PACC1: variants seen among roughly 807,000 people sequenced by gnomAD.
PACC1 encodes proton-activated chloride channel.
In PACC1, 34 loss-of-function variants were observed where a neutral mutation model predicts 39.7. That is an observed-to-expected ratio of 0.86 (90% CI 0.65 to 1.14). The LOEUF is 1.14. Ranked by LOEUF, PACC1 falls within the 50% of genes most tolerant of loss-of-function variation. PACC1 has a pLI of 0.00. For missense variants in PACC1, 379 were observed against 436.4 expected (o/e 0.87, Z 1.17); for synonymous variants, 127 against 160.6 (o/e 0.79, Z 1.58).
chr1:212,386,996 C>G lies in PACC1; in HGVS notation c.238G>C (p.Val80Leu), dbSNP rs201821544. ...GTCCGGTAGACCAGGAAGACGGCCA[C>G]AGCCATGAGCAGCAGGTAGATGAAG... ...LIFIYLLLMA[V>L]AVFLVYRTIT... Residue 80 changes from valine to leucine, a missense_variant, in exon 3 of 8, where the codon GTG becomes CTG. By Grantham distance (32) the Val-to-Leu change is conservative (BLOSUM62 1). Coordinates refer to ENST00000261455, the MANE Select transcript of PACC1 (RefSeq NM_018252.3). The surrounding 1 kb of genome is among the most constrained non-coding windows in gnomAD (Gnocchi z 5.0). The G allele has an allele frequency of 5.6e-6, 9 of 1,614,220 alleles. No homozygotes were observed. The Admixed American group carries it at 1.5e-4, about 27-fold the overall frequency.
intron 1 of PACC1, among the ~76,000 whole-genome samples, chr1:212,411,261 G>C (rs1175766902): frequency 6.6e-6 from 1 of 152,180 alleles, no homozygotes; most frequent in African/African-American, 2.4e-5. Flanking sequence ...ACTTCCCAAA[G>C]GAAGAGGAAA....
At chr1:212,396,964 A>G (rs1288423627) in intron 2 of PACC1, among the ~76,000 whole-genome samples, 3 of 152,164 alleles carry the variant, frequency 2.0e-5, no homozygotes, top group African/African-American at 7.2e-5. Context: ...TTTGTCTACC[A>G]GTATAATTCT....
chr1:212,372,522 T>G (rs537629029), intron 7 of PACC1, among the ~76,000 whole-genome samples: 8 of 152,222 alleles, frequency 5.3e-5, no homozygotes, highest in African/African-American at 1.7e-4. Context: ...GAGAAAGAAA[T>G]AAAGGGCATC....
Position 212,387,016 on chromosome 1 carries a change from A to G in PACC1, c.218T>C (p.Ile73Thr). 2 of 1,614,246 alleles carry G rather than the reference A, an allele frequency of 1.2e-6. No homozygotes were observed. Among genetic ancestry groups the G allele is most frequent in the Non-Finnish European group, 1.7e-6 (2 of 1,180,044 alleles). The part of the protein sequence containing the change: ...KNVFSVLLIF[I>T]YLLLMAVAVF... ...GGCCACAGCCATGAGCAGCAGGTAG[A>G]TGAAGATGAGTAGGACCGAGAAGAC... The change falls in exon 3 of 8, where the codon ATC (isoleucine) becomes ACC (threonine). Residue 73 changes from isoleucine (I) to threonine (T), a missense_variant. By Grantham distance (89) the Ile-to-Thr change is moderately conservative. Coordinates refer to ENST00000261455, the MANE Select transcript of PACC1 (RefSeq NM_018252.3).
chr1:212,404,799 T>G (rs1348037339), intron 2 of PACC1, among the ~76,000 whole-genome samples: 1 of 151,908 alleles, frequency 6.6e-6, no homozygotes, highest in Non-Finnish European at 1.5e-5. Context: ...GATGGAATCT[T>G]GCTCTATCAC....
intron 2 of PACC1, among the ~76,000 whole-genome samples, chr1:212,398,425 G>GT (rs1285081158): frequency 2.0e-5 from 3 of 152,176 alleles, no homozygotes; most frequent in Non-Finnish European, 4.4e-5. Flanking sequence ...GTTCCTTGCT[G>GT]TTTTTTGGCA....
At chr1:212,379,395 T>C (rs1660792745) in intron 5 of PACC1, among the ~76,000 whole-genome samples, 1 of 152,254 alleles carries the variant, frequency 6.6e-6, no homozygotes, top group Non-Finnish European at 1.5e-5. Context: ...TCAAAAGTTA[T>C]ACACAAATTT....
chr1:212,398,142 C>A (rs1050215686), intron 2 of PACC1, among the ~76,000 whole-genome samples: 2 of 152,040 alleles, frequency 1.3e-5, no homozygotes, highest in Admixed American at 6.5e-5. Flanking sequence ...CTCTACCCTT[C>A]AAAAAATGAA....
rs1571652129 is a variant in PACC1, at chr1:212,386,428, G to T, written c.343+463C>A. ...GTCCCTCTCCAGGCAGGGTTGAATG[G>T]CCTCGCCTCCCCTGCCATCCTCCCC... On this transcript the variant is annotated intron_variant, in intron 3 of 7. Coordinates refer to ENST00000261455, the MANE Select transcript of PACC1 (RefSeq NM_018252.3). This position sits in a 1 kb window ranked among gnomAD's most constrained non-coding sequence, Gnocchi z 5.0. Among the ~76,000 whole-genome samples, 4 of 152,130 alleles carry T rather than the reference G, an allele frequency of 2.6e-5. No individual in the cohort carries two copies. The highest frequency in any genetic ancestry group is 2.6e-4 in the Admixed American group (4 of 15,286).
chr1:212,413,217 A>G (rs1662199297), intron 1 of PACC1, among the ~76,000 whole-genome samples: 1 of 152,200 alleles, frequency 6.6e-6, no homozygotes, highest in African/African-American at 2.4e-5. Context: ...GGGAGGAGAA[A>G]TATAGAAATC....
At chr1:212,390,914 A>T (rs1235850018) in intron 2 of PACC1, among the ~76,000 whole-genome samples, 1 of 152,174 alleles carries the variant, frequency 6.6e-6, no homozygotes, top group Non-Finnish European at 1.5e-5. Flanking sequence ...GCCATGGCTG[A>T]GGCTTGAGTA....
chr1:212,365,174 C>G lies in PACC1; in HGVS notation c.*41G>C. 1.3e-6 allele frequency: 2 copies of G among 1,587,646 alleles called. No homozygotes were observed. The highest frequency in any genetic ancestry group is 1.4e-5 in the African/African-American group (1 of 73,790). On this transcript the variant is annotated 3_prime_UTR_variant, in exon 8 of 8. Transcript: ENST00000261455. ...TTACAAAGTGGAAGTGATGACAGCT[C>G]CCATTGATGTGGACAGTTCTCTAAA... is the stretch of plus-strand genomic sequence containing the variant.
At chr1:212,380,416 G>A (rs1295636120) in intron 4 of PACC1, among the ~76,000 whole-genome samples, 4 of 152,072 alleles carry the variant, frequency 2.6e-5, no homozygotes, top group African/African-American at 9.7e-5. Flanking sequence ...TAAATTTAAC[G>A]TAGTAAAACC....
rs1425630342 is a variant in PACC1 at position 212,365,240 on chromosome 1, CCTCTT to C, written c.1023_1027del (p.Arg342SerfsTer15). Reference sequence around the variant, plus strand: ...TCAGCTTATGTGGCTCGTTGCCTGACCTCTTCTTTTAAGGTATCTCTTTCTAATTT... The same window carrying C: ...TCAGCTTATGTGGCTCGTTGCCTGACCTTTTAAGGTATCTCTTTCTAATTT... On this transcript the variant is annotated frameshift_variant, in exon 8 of 8. Transcript: ENST00000261455. LOFTEE classifies it high-confidence loss of function. 1.2e-6 allele frequency: 2 copies of C among 1,613,718 alleles called. No individual in the cohort carries two copies. The highest frequency in any genetic ancestry group is 1.7e-5 in the Admixed American group (1 of 59,954).
At chr1:212,396,323 A>G (rs976197171) in intron 2 of PACC1, among the ~76,000 whole-genome samples, 1 of 152,216 alleles carries the variant, frequency 6.6e-6, no homozygotes, top group Non-Finnish European at 1.5e-5. Context: ...CATTCTCAGC[A>G]AACTATCACA....
intron 6 of PACC1, among the ~76,000 whole-genome samples, chr1:212,376,591 G>A (rs1660675324): frequency 6.6e-6 from 1 of 152,158 alleles, no homozygotes; most frequent in African/African-American, 2.4e-5. Context: ...AGCAAATTTG[G>A]AGGTAAAAAT....
At chr1:212,371,241 C>CA (rs1189603478) in intron 7 of PACC1, among the ~76,000 whole-genome samples, 22,641 of 88,594 alleles carry the variant, frequency 0.26, 2,853 homozygotes, top group East Asian at 0.53. Context: ...GACTCCATTT[C>CA]AAAAAAAAAA....
intron 2 of PACC1, among the ~76,000 whole-genome samples, chr1:212,389,720 T>C (rs964619564): frequency 3.3e-5 from 5 of 152,076 alleles, no homozygotes. Context: ...TGGCCAAATA[T>C]ATAGAATTTC....
At chr1:212,381,263 A>G (rs1161805840) in intron 4 of PACC1, among the ~76,000 whole-genome samples, 1 of 152,206 alleles carries the variant, frequency 6.6e-6, no homozygotes, top group African/African-American at 2.4e-5. Context: ...GTCTTAGTGG[A>G]GAGTATGGAG....
Sources: allele counts gnomAD v4.1 joint callset (sites outside exome capture counted in the v4.1 genomes callset), GRCh38; gene constraint gnomAD v4.1.1; non-coding constraint Gnocchi (gnomAD v3.1); transcripts MANE v1.5; gene names NCBI Gene and HGNC (gene_info 2026-07-23, HGNC 2026-07-21).